Variants in SRGAP1 observed in about 807,000 individuals in gnomAD.
SRGAP1 encodes SLIT-ROBO Rho GTPase activating protein 1.
Under a neutral mutation model 121.9 loss-of-function variants are expected in SRGAP1, and 43 were observed. The ratio of observed to expected loss-of-function variants is 0.35; its 90% CI spans 0.28 to 0.46. SRGAP1 has a LOEUF of 0.46. Ranked by LOEUF, SRGAP1 falls within the 20% of genes least tolerant of loss-of-function variation. The probability of loss-of-function intolerance (pLI) is 1.00; values close to 1 mark genes in which losing one functional copy is unlikely to be tolerated. For synonymous variants in SRGAP1, 447 were observed against 485.4 expected, an observed-to-expected ratio of 0.92 and a Z score of 1.04; for missense variants, 1,102 against 1,350.9, an observed-to-expected ratio of 0.82 and a Z score of 2.89.
chr12:64,012,549 A>ATTTTT (rs1428356285), intron 3 of SRGAP1, among the ~76,000 whole-genome samples: 3 of 98,682 alleles, frequency 3.0e-5, no homozygotes, highest in African/African-American at 1.5e-4. Context: ...TTAAGTTATT[A>ATTTTT]TCTTTTTTTT....
intron 15 of SRGAP1, among the ~76,000 whole-genome samples, chr12:64,099,726 A>AAGCTTAAGCC (rs2036224757): frequency 6.6e-6 from 1 of 152,206 alleles, no homozygotes. Flanking sequence ...ATCCTAGCCA[A>AAGCTTAAGCC]AAAGCTTAAG....
intron 1 of SRGAP1, among the ~76,000 whole-genome samples, chr12:63,957,717 A>G (rs2032515880): frequency 6.6e-6 from 1 of 152,208 alleles, no homozygotes; most frequent in Non-Finnish European, 1.5e-5. Flanking sequence ...CGATAGAGGC[A>G]GGGCTGCAGT....
At chr12:64,071,931 G>A (rs2035644632) in intron 8 of SRGAP1, among the ~76,000 whole-genome samples, 1 of 151,588 alleles carries the variant, frequency 6.6e-6, no homozygotes, top group Non-Finnish European at 1.5e-5. Context: ...ATCTGGTAAT[G>A]CCTACCCAAC....
intron 8 of SRGAP1, among the ~76,000 whole-genome samples, chr12:64,077,608 A>T (rs947429820): frequency 4.0e-5 from 6 of 151,846 alleles, no homozygotes; most frequent in African/African-American, 1.4e-4. Context: ...TACTTTGATA[A>T]GCAAAGGTAG....
intron 1 of SRGAP1, among the ~76,000 whole-genome samples, chr12:63,899,382 A>C (rs1182293568): frequency 1.3e-5 from 2 of 152,144 alleles, no homozygotes; most frequent in African/African-American, 2.4e-5. Flanking sequence ...GGAATATTAC[A>C]AATTGTACTT....
chr12:64,123,563 A>G (rs1248339600), intron 18 of SRGAP1, among the ~76,000 whole-genome samples: 1 of 152,196 alleles, frequency 6.6e-6, no homozygotes, highest in Non-Finnish European at 1.5e-5. Flanking sequence ...GCTGCTATTT[A>G]TATTGTTTTG....
At chr12:64,059,690 C>T (rs544265390) in intron 6 of SRGAP1, among the ~76,000 whole-genome samples, 1 of 152,218 alleles carries the variant, frequency 6.6e-6, no homozygotes, top group Non-Finnish European at 1.5e-5. Flanking sequence ...ATTTTTCAGG[C>T]CCTCTGATAT....
intron 1 of SRGAP1, among the ~76,000 whole-genome samples, chr12:63,978,055 C>A (rs1008185287): frequency 6.6e-6 from 1 of 152,170 alleles, no homozygotes; most frequent in African/African-American, 2.4e-5. Context: ...TTTTAAAGTG[C>A]TTGTCCCCAT....
At chr12:63,935,348 A>G (rs969918174) in intron 1 of SRGAP1, among the ~76,000 whole-genome samples, 1 of 152,160 alleles carries the variant, frequency 6.6e-6, no homozygotes, top group African/African-American at 2.4e-5. Context: ...TTATTATAAT[A>G]TTTATGCTCT....
At chr12:63,925,193 A>C (rs1357478931) in intron 1 of SRGAP1, among the ~76,000 whole-genome samples, 1 of 152,198 alleles carries the variant, frequency 6.6e-6, no homozygotes, top group East Asian at 1.9e-4. Flanking sequence ...TTAAAGTAGT[A>C]CTGCTTCAGG....
intron 18 of SRGAP1, among the ~76,000 whole-genome samples, chr12:64,124,273 T>C (rs573581572): frequency 3.3e-5 from 5 of 152,366 alleles, no homozygotes; most frequent in Admixed American, 2.0e-4. Flanking sequence ...GAATTTCTCA[T>C]GCAATGATTA....
At chr12:64,005,554 G>A (rs918048739) in intron 3 of SRGAP1, among the ~76,000 whole-genome samples, 3 of 152,102 alleles carry the variant, frequency 2.0e-5, no homozygotes, top group African/African-American at 7.2e-5. Context: ...GCAGAGGCAG[G>A]AGGCTTATTT....
intron 6 of SRGAP1, among the ~76,000 whole-genome samples, chr12:64,054,668 T>C (rs2035305348): frequency 6.6e-6 from 1 of 152,198 alleles, no homozygotes; most frequent in Admixed American, 6.6e-5. Flanking sequence ...AGAAAGGGTA[T>C]TTAAAAACTG....
intron 15 of SRGAP1, among the ~76,000 whole-genome samples, chr12:64,098,165 C>A (rs1006081464): frequency 6.6e-6 from 1 of 152,038 alleles, no homozygotes; most frequent in Non-Finnish European, 1.5e-5. Flanking sequence ...CTCCACCCCC[C>A]ATCTGAATCA....
chr12:64,000,740 G>A (rs1368953519), intron 3 of SRGAP1, among the ~76,000 whole-genome samples: 1 of 152,226 alleles, frequency 6.6e-6, no homozygotes, highest in South Asian at 2.1e-4. Flanking sequence ...GGACCCAAAG[G>A]ACAGGCAGAG....
chr12:64,010,616 A>G (rs1384000464), intron 3 of SRGAP1, among the ~76,000 whole-genome samples: 4 of 152,100 alleles, frequency 2.6e-5, no homozygotes, highest in Admixed American at 2.0e-4. Context: ...CAAAGTAGGC[A>G]CTGGGAATGC....
intron 1 of SRGAP1, among the ~76,000 whole-genome samples, chr12:63,921,091 G>A (rs2031023607): frequency 6.6e-6 from 1 of 152,074 alleles, no homozygotes. Context: ...CAGAAATCTG[G>A]TAGTCATCTT....
rs184560098 is a variant in SRGAP1, at chr12:63,911,543, T to C, written c.67+66660T>C. Among the ~76,000 whole-genome samples the C allele has an allele frequency of 1.5e-3, 227 of 152,280 alleles. 2 individuals are homozygous for C. Among genetic ancestry groups the C allele is most frequent in the African/African-American group, 5.2e-3 (218 of 41,546 alleles). ...TCGCTAGATTTGGCTACTGCAGCACTACAGCTGCTAAATTAAGATAAACTC... is the reference window on the plus strand; with the variant it reads ...TCGCTAGATTTGGCTACTGCAGCACCACAGCTGCTAAATTAAGATAAACTC... On this transcript the variant is annotated intron_variant, in intron 1 of 21. Coordinates refer to ENST00000355086, the MANE Select transcript of SRGAP1 (RefSeq NM_020762.4).
chr12:64,000,074 A>G (rs1017744212), intron 3 of SRGAP1, among the ~76,000 whole-genome samples: 1 of 152,076 alleles, frequency 6.6e-6, no homozygotes, highest in African/African-American at 2.4e-5. Flanking sequence ...CTGAGCAGCA[A>G]AGGGTCATTG....
Sources: gnomAD v4.1 joint callset for allele counts (sites outside exome capture counted in the v4.1 genomes callset) on GRCh38, gnomAD v4.1.1 for gene constraint, MANE v1.5 for transcripts, NCBI Gene and HGNC (gene_info 2026-07-23, HGNC 2026-07-21) for gene names.